ICA1: variants seen among roughly 807,000 people sequenced by gnomAD.
ICA1 encodes the protein islet cell autoantigen 1.
In ICA1, 40 loss-of-function variants were observed where a neutral mutation model predicts 71.0. The ratio of observed to expected loss-of-function variants is 0.56; its 90% confidence interval spans 0.44 to 0.73. ICA1 has a LOEUF of 0.73. ICA1 is among the 30% of genes least tolerant of loss of function. The pLI, the probability that ICA1 is intolerant of heterozygous loss-of-function variation, is 0.00. For missense variants in ICA1, 578 were observed against 576.5 expected, an observed-to-expected ratio of 1.00 and a Z score of -0.03; for synonymous variants, 207 against 209.5, an observed-to-expected ratio of 0.99 and a Z score of 0.10.
intron 8 of ICA1, among the ~76,000 whole-genome samples, chr7:8,147,308 A>G (rs1401563810): frequency 6.6e-6 from 1 of 152,138 alleles, no homozygotes; most frequent in Non-Finnish European, 1.5e-5. Context: ...CTGTTGGCCC[A>G]TTAGCAGGGA....
intron 12 of ICA1, among the ~76,000 whole-genome samples, chr7:8,128,779 G>C (rs1004705100): frequency 3.3e-5 from 5 of 152,216 alleles, no homozygotes; most frequent in Admixed American, 6.5e-5. Flanking sequence ...AAAAGGGAAA[G>C]AGGCTGCGAG....
Position 8,130,440 on chromosome 7 carries a change from A to C in ICA1, c.1061-2298T>G, listed in dbSNP as rs1791023019. On this transcript the variant is annotated intron_variant, in intron 12 of 13. Transcript: ENST00000402384. This position sits in a 1 kb window ranked among gnomAD's most constrained non-coding sequence, Gnocchi z 4.2. ...TACGCATGCTCCCCTCTCCAGCATC[A>C]CCTTTTTAAGGATTATTAACATTAC... Among the ~76,000 whole-genome samples the C allele has an allele frequency of 6.6e-6, 1 of 152,206 alleles. No individual in the cohort carries two copies. The highest frequency in any genetic ancestry group is 2.4e-5 in the African/African-American group (1 of 41,444).
chr7:8,222,401 A>G lies in ICA1; in HGVS notation c.257-1003T>C, dbSNP rs1385232604. Reference sequence around the variant, plus strand: ...TCAACATACTTTGAACACTACTTTTATTTCCTATTTCTGTATTGATGTATT... The same window carrying G: ...TCAACATACTTTGAACACTACTTTTGTTTCCTATTTCTGTATTGATGTATT... On this transcript the variant is annotated intron_variant, in intron 4 of 13. Transcript: ENST00000402384. This position sits in a 1 kb window ranked among gnomAD's most constrained non-coding sequence, Gnocchi z 4.8. Among the ~76,000 whole-genome samples the G allele has an allele frequency of 1.3e-5, 2 of 152,000 alleles. No homozygotes were observed. Among genetic ancestry groups the G allele is most frequent in the Non-Finnish European group, 2.9e-5 (2 of 68,000 alleles).
intron 8 of ICA1, among the ~76,000 whole-genome samples, chr7:8,152,900 T>TCCTCCACCACCACTACC (rs1562706066): frequency 5.9e-5 from 1 of 16,838 alleles, no homozygotes; most frequent in East Asian, 2.2e-3. Flanking sequence ...CTACCACCAT[T>TCCTCCACCACCACTACC]ATCTCCTTCA....
chr7:8,144,570 G>T lies in ICA1; in HGVS notation c.805-598C>A, dbSNP rs1305378145. ...CATCCAAATCTTTGTAGATTAAAATGGGTGAGAGTCTTCTTTTGGCACATC... is the reference window on the plus strand; with the variant it reads ...CATCCAAATCTTTGTAGATTAAAATTGGTGAGAGTCTTCTTTTGGCACATC... On this transcript the variant is annotated intron_variant, in intron 8 of 13. Coordinates refer to ENST00000402384, the MANE Select transcript of ICA1 (RefSeq NM_001136020.3). The surrounding 1 kb of genome is among the most constrained non-coding windows in gnomAD (Gnocchi z 4.5). Among the ~76,000 whole-genome samples, 1 of 152,128 alleles carries T rather than the reference G, an allele frequency of 6.6e-6. No individual in the cohort carries two copies. Among genetic ancestry groups the T allele is most frequent in the African/African-American group, 2.4e-5 (1 of 41,420 alleles).
chr7:8,139,001 T>C lies in ICA1; in HGVS notation c.1002A>G (p.Thr334=), dbSNP rs1192838399. The C allele has an allele frequency of 6.2e-7, 1 of 1,613,520 alleles. No homozygotes were observed. Among genetic ancestry groups the C allele is most frequent in the Non-Finnish European group, 8.5e-7 (1 of 1,179,464 alleles). The change falls in exon 11 of 14, where the codon ACA becomes ACG. Residue 334 remains threonine, a synonymous_variant. Coordinates refer to ENST00000402384, the MANE Select transcript of ICA1 (RefSeq NM_001136020.3). ...SILSALDKGS[T]HTACSGPIDE... is the part of the protein sequence containing the mutation. ...CTAGGTTACCTGAGCATGCAGTATG[T>C]GTAGAGCCTTTGTCTAAGGCAGATA...
intron 4 of ICA1, among the ~76,000 whole-genome samples, chr7:8,225,522 G>C (rs1295070173): frequency 6.6e-6 from 1 of 152,132 alleles, no homozygotes; most frequent in Non-Finnish European, 1.5e-5. Flanking sequence ...TCTCCAAGGA[G>C]CATTTCTTTT....
At chr7:8,190,360 C>G (rs2128295915) in intron 6 of ICA1, among the ~76,000 whole-genome samples, 1 of 152,274 alleles carries the variant, frequency 6.6e-6, no homozygotes, top group South Asian at 2.1e-4. Flanking sequence ...TTTCCTTCCT[C>G]TGCCTCCTCA....
rs528123307 is a variant in ICA1, at chr7:8,238,951, G to A, written c.-79-2946C>T. On this transcript the variant is annotated intron_variant, in intron 1 of 13. Transcript: ENST00000402384. ...TCTAGTTTTATAATAGGCTTTGCAA[G>A]TCATTCTTAAGCACATTAAAGTATG... is the stretch of plus-strand genomic sequence containing the variant. Among the ~76,000 whole-genome samples, 76 of 152,322 alleles carry A rather than the reference G, an allele frequency of 5.0e-4. 1 individual carries two copies. The highest frequency in any genetic ancestry group is 7.3e-4 in the Non-Finnish European group (50 of 68,030).
At chr7:8,235,352 G>A (rs1212360038) in intron 2 of ICA1, among the ~76,000 whole-genome samples, 1 of 152,128 alleles carries the variant, frequency 6.6e-6, no homozygotes, top group Non-Finnish European at 1.5e-5. Context: ...TTAACATGCT[G>A]CTCAGATATG....
intron 6 of ICA1, among the ~76,000 whole-genome samples, chr7:8,180,741 A>G (rs547459084): frequency 1.3e-5 from 2 of 152,068 alleles, no homozygotes; most frequent in African/African-American, 2.4e-5. Context: ...ACAGGTGTAC[A>G]TGAAACCATG....
At chr7:8,120,955 G>C (rs1377577035) in intron 13 of ICA1, among the ~76,000 whole-genome samples, 1 of 152,158 alleles carries the variant, frequency 6.6e-6, no homozygotes, top group Non-Finnish European at 1.5e-5. Flanking sequence ...GGGAGAGTGG[G>C]AACACCACAA....
intron 8 of ICA1, among the ~76,000 whole-genome samples, chr7:8,154,628 T>C (rs1800865795): frequency 6.6e-6 from 1 of 152,178 alleles, no homozygotes; most frequent in Non-Finnish European, 1.5e-5. Flanking sequence ...CGTGGAAATA[T>C]TTACTTAAAT....
At chr7:8,258,470 GA>G (rs1811024479) in intron 1 of ICA1, among the ~76,000 whole-genome samples, 2 of 152,162 alleles carry the variant, frequency 1.3e-5, no homozygotes, top group African/African-American at 4.8e-5. Flanking sequence ...CTGGGACAAG[GA>G]GTTACCACTA....
At chr7:8,149,052 G>A (rs16872666) in intron 8 of ICA1, among the ~76,000 whole-genome samples, 10,095 of 152,248 alleles carry the variant, frequency 0.066, 409 homozygotes, top group African/African-American at 0.13. Context: ...ACGCATAGAA[G>A]TCAGGGGTGA....
chr7:8,156,690 A>G (rs1158200426), intron 8 of ICA1: 4 of 763,104 alleles, frequency 5.2e-6, no homozygotes, highest in Non-Finnish European at 7.7e-6. Context: ...TAAGAGAGGA[A>G]AGGAGGACAC....
chr7:8,122,225 G>A (rs1197381722), intron 13 of ICA1, among the ~76,000 whole-genome samples: 2 of 152,166 alleles, frequency 1.3e-5, no homozygotes, highest in African/African-American at 4.8e-5. Flanking sequence ...TAGCACACGT[G>A]GTTCTCCAGG....
At chr7:8,240,512 G>C (rs973648046) in intron 1 of ICA1, among the ~76,000 whole-genome samples, 6 of 152,166 alleles carry the variant, frequency 3.9e-5, no homozygotes, top group African/African-American at 1.4e-4. Flanking sequence ...CTCCTCCAAA[G>C]GATCGCAGCC....
intron 3 of ICA1, among the ~76,000 whole-genome samples, chr7:8,231,774 C>T (rs903147753): frequency 6.6e-6 from 1 of 152,168 alleles, no homozygotes; most frequent in Admixed American, 6.5e-5. Context: ...TTTCACATGA[C>T]AGTAATTGAC....
Sources: gnomAD v4.1 joint callset for allele counts (sites outside exome capture counted in the v4.1 genomes callset) on GRCh38, gnomAD v4.1.1 for gene constraint, Gnocchi (gnomAD v3.1) non-coding constraint, MANE v1.5 for transcripts, NCBI Gene and HGNC (gene_info 2026-07-23, HGNC 2026-07-21) for gene names.